The following CHODL variants were observed in gnomAD, a reference collection of about 807,000 sequenced individuals.
CHODL encodes transmembrane protein MT75.
CHODL carries 29 observed loss-of-function variants against 34.5 expected under a neutral mutation model. The observed-to-expected ratio is 0.84, with a 90% CI of 0.63 to 1.15. CHODL has a LOEUF of 1.15. CHODL is among the 50% of genes most tolerant of loss of function. CHODL has a pLI of 0.00. For missense variants in CHODL, 332 were observed against 332.5 expected (o/e 1.00, Z 0.01); for synonymous variants, 125 against 116.1 (o/e 1.08, Z -0.49).
intron 1 of CHODL, among the ~76,000 whole-genome samples, chr21:18,025,561 A>T (rs1409069139): frequency 6.6e-6 from 1 of 152,082 alleles, no homozygotes; most frequent in Non-Finnish European, 1.5e-5. Flanking sequence ...ATTTCATAGC[A>T]TTCTTAATTT....
intron 4 of CHODL, among the ~76,000 whole-genome samples, chr21:18,261,242 C>T (rs942819450): frequency 2.6e-5 from 4 of 152,038 alleles, no homozygotes; most frequent in African/African-American, 9.7e-5. Context: ...GATATTAAGG[C>T]TTAGTGCTTT....
chr21:18,146,017 G>T (rs1342565533), intron 2 of CHODL, among the ~76,000 whole-genome samples: 5 of 152,054 alleles, frequency 3.3e-5, no homozygotes. Flanking sequence ...CACCCAGGCT[G>T]GAGTGCAGTG....
intron 1 of CHODL, among the ~76,000 whole-genome samples, chr21:18,251,648 A>T (rs2074252247): frequency 7.8e-6 from 1 of 127,506 alleles, no homozygotes; most frequent in Admixed American, 8.5e-5. Context: ...ATTTTAATAT[A>T]TAAAATATTT....
At chr21:18,240,032 C>T (rs1209203029), upstream of CHODL, among the ~76,000 whole-genome samples, 8 of 151,896 alleles carry the variant, frequency 5.3e-5, no homozygotes, top group East Asian at 1.9e-4. Flanking sequence ...GAAAAGGACT[C>T]TAGAAATATC....
At chr21:18,084,725 G>C (rs1389502762) in intron 2 of CHODL, among the ~76,000 whole-genome samples, 2 of 152,114 alleles carry the variant, frequency 1.3e-5, no homozygotes, top group African/African-American at 4.8e-5. Context: ...GTGCTGATGA[G>C]AAGAATGTGT....
chr21:18,009,217 CA>C (rs1162196920), intron 1 of CHODL, among the ~76,000 whole-genome samples: 1 of 152,094 alleles, frequency 6.6e-6, no homozygotes, highest in Non-Finnish European at 1.5e-5. Flanking sequence ...TTTATTCATT[CA>C]TATACTTTAG....
intron 2 of CHODL, among the ~76,000 whole-genome samples, chr21:18,092,425 A>T (rs2065085247): frequency 6.6e-6 from 1 of 152,228 alleles, no homozygotes; most frequent in Non-Finnish European, 1.5e-5. Context: ...CCAGACAATG[A>T]AGAATATATA....
intron 2 of CHODL, among the ~76,000 whole-genome samples, chr21:18,166,840 G>A (rs2073159174): frequency 6.6e-6 from 1 of 151,772 alleles, no homozygotes; most frequent in Admixed American, 6.6e-5. Context: ...TTTTAGTTTG[G>A]GGACCAATGT....
In CHODL at chr21:18,033,407, A is replaced by G. The variant is rs893476744; in HGVS notation, c.-45+5436A>G. Among the ~76,000 whole-genome samples the G allele has an allele frequency of 2.6e-5, 4 of 152,038 alleles. No homozygotes were observed. In the East Asian group the frequency reaches 7.7e-4, roughly 29 times the overall value. On this transcript the variant is annotated intron_variant, in intron 2 of 6. Transcript: ENST00000400127. Reference sequence around the variant, plus strand: ...ATGACATTATCTGACATATATTTAAAAAGAACCATTTATTTATTATTCTCT... The same window carrying G: ...ATGACATTATCTGACATATATTTAAGAAGAACCATTTATTTATTATTCTCT...
intron 2 of CHODL, among the ~76,000 whole-genome samples, chr21:18,183,311 C>A (rs548663477): frequency 6.6e-6 from 1 of 152,124 alleles, no homozygotes; most frequent in African/African-American, 2.4e-5. Context: ...TCCTGCTTTC[C>A]GGAAATTTAA....
chr21:18,157,683 T>C (rs1371166499), intron 2 of CHODL, among the ~76,000 whole-genome samples: 1 of 152,198 alleles, frequency 6.6e-6, no homozygotes, highest in East Asian at 1.9e-4. Context: ...ACATCCAATG[T>C]TTACACAAGT....
chr21:18,232,042 T>C (rs2073984099), intron 2 of CHODL, among the ~76,000 whole-genome samples: 1 of 152,070 alleles, frequency 6.6e-6, no homozygotes, highest in African/African-American at 2.4e-5. Flanking sequence ...ACTGTTGAAC[T>C]TGATGTTTGG....
In CHODL at chr21:18,223,207, TTCAA is replaced by T. The variant is rs758369281; in HGVS notation, c.-44-33298_-44-33295del. On this transcript the variant is annotated intron_variant, in intron 2 of 6. Coordinates refer to the CHODL transcript ENST00000400127. ...GAACCAAAGCATTTTGTTGGAAGAA[TTCAA>T]TCAGTGTATTTTCCAGGCTACTGTA... 2.0e-5 allele frequency among the ~76,000 whole-genome samples: 3 copies of T among 152,302 alleles called. No homozygotes were observed. The South Asian group carries it at 6.2e-4, about 32-fold the overall frequency.
intron 1 of CHODL, among the ~76,000 whole-genome samples, chr21:17,946,796 A>T (rs1162014140): frequency 1.3e-5 from 2 of 152,174 alleles, no homozygotes; most frequent in African/African-American, 4.8e-5. Context: ...TGTCCTTACC[A>T]GTGAAGTGAG....
chr21:18,104,647 A>G (rs1333386116), intron 2 of CHODL, among the ~76,000 whole-genome samples: 1 of 152,196 alleles, frequency 6.6e-6, no homozygotes, highest in Non-Finnish European at 1.5e-5. Flanking sequence ...ATACTTGAAG[A>G]ACCTAGACAC....
At chr21:17,987,557 A>G (rs745521969) in intron 1 of CHODL, among the ~76,000 whole-genome samples, 6 of 152,254 alleles carry the variant, frequency 3.9e-5, no homozygotes, top group Non-Finnish European at 7.4e-5. Flanking sequence ...AAGTCAATCA[A>G]TTTTCATTTT....
intron 1 of CHODL, among the ~76,000 whole-genome samples, chr21:17,939,447 TACACA>T (rs2146328865): frequency 6.6e-6 from 1 of 152,332 alleles, no homozygotes; most frequent in African/African-American, 2.4e-5. Context: ...GCATTATATG[TACACA>T]ACACATTTTC....
chr21:18,081,040 G>C (rs2146513742), intron 2 of CHODL, among the ~76,000 whole-genome samples: 1 of 152,074 alleles, frequency 6.6e-6, no homozygotes, highest in African/African-American at 2.4e-5. Context: ...TCTCCTTATA[G>C]AGATACTTTA....
At chr21:18,003,420 A>C (rs2063929952) in intron 1 of CHODL, among the ~76,000 whole-genome samples, 1 of 149,558 alleles carries the variant, frequency 6.7e-6, no homozygotes. Context: ...AAATTAATAT[A>C]TTAATCTAAA....
Sources: gnomAD v4.1 joint callset for allele counts (sites outside exome capture counted in the v4.1 genomes callset) on GRCh38, gnomAD v4.1.1 for gene constraint, MANE v1.5 for transcripts, NCBI Gene and HGNC (gene_info 2026-07-23, HGNC 2026-07-21) for gene names.